The following ARMC3 variants were observed in gnomAD, a reference collection of about 807,000 sequenced individuals.
ARMC3 encodes armadillo repeat containing 3.
A neutral mutation model predicts 90.3 loss-of-function variants in ARMC3; 74 were observed. The ratio of observed to expected loss-of-function variants is 0.82; its 90% confidence interval spans 0.68 to 0.99. ARMC3 has a LOEUF of 0.99. Ranked by LOEUF, ARMC3 falls within the 50% of genes least tolerant of loss-of-function variation. The probability of loss-of-function intolerance (pLI) is 0.00; values close to 1 mark genes in which losing one functional copy is unlikely to be tolerated. For missense variants in ARMC3, 958 were observed against 1,042.8 expected (o/e 0.92, Z 1.12); for synonymous variants, 334 against 361.8 (o/e 0.92, Z 0.87).
At chr10:22,967,242 T>C (rs1386820507) in intron 7 of ARMC3, among the ~76,000 whole-genome samples, 2 of 152,168 alleles carry the variant, frequency 1.3e-5, no homozygotes, top group African/African-American at 4.8e-5. Context: ...ACTCAAAGTC[T>C]GTTTTAAACA....
intron 4 of ARMC3, among the ~76,000 whole-genome samples, chr10:22,957,427 G>A (rs940321846): frequency 6.6e-6 from 1 of 152,188 alleles, no homozygotes; most frequent in Non-Finnish European, 1.5e-5. Flanking sequence ...TCAGTGGAAG[G>A]CAGTGACTTT....
chr10:22,931,552 T>C (rs974905758), intron 1 of ARMC3, among the ~76,000 whole-genome samples: 3 of 152,194 alleles, frequency 2.0e-5, no homozygotes, highest in African/African-American at 7.2e-5. Context: ...ATGCCAATTA[T>C]GTACCAGACA....
At chr10:23,023,925 G>A (rs961589401) in intron 16 of ARMC3, among the ~76,000 whole-genome samples, 1 of 152,130 alleles carries the variant, frequency 6.6e-6, no homozygotes, top group Non-Finnish European at 1.5e-5. Context: ...GGGTAGGGCT[G>A]AAAGAGTATT....
chr10:22,995,511 A>G (rs771528644), intron 10 of ARMC3, among the ~76,000 whole-genome samples: 4 of 152,222 alleles, frequency 2.6e-5, no homozygotes, highest in East Asian at 1.9e-4. Flanking sequence ...AGTAAAAGCT[A>G]TATTCCACTG....
At chr10:22,963,884 G>GTCTC (rs1241526045) in intron 7 of ARMC3, among the ~76,000 whole-genome samples, 18 of 98,760 alleles carry the variant, frequency 1.8e-4, no homozygotes, top group African/African-American at 6.8e-4. Flanking sequence ...GCGAGACTCT[G>GTCTC]TCTCACACAC....
intron 10 of ARMC3, among the ~76,000 whole-genome samples, chr10:22,993,241 A>T (rs7917328): frequency 0.1 from 15,259 of 152,270 alleles, 2,574 homozygotes; most frequent in African/African-American, 0.35. Flanking sequence ...AATGGTGTCA[A>T]CTGGTGCACA....
intron 10 of ARMC3, among the ~76,000 whole-genome samples, chr10:22,995,461 G>T (rs566916591): frequency 6.6e-6 from 1 of 152,150 alleles, no homozygotes; most frequent in Non-Finnish European, 1.5e-5. Context: ...AGCTGTGCCT[G>T]CACGACTCAT....
intron 2 of ARMC3, among the ~76,000 whole-genome samples, chr10:22,937,964 G>A (rs1490387048): frequency 6.6e-6 from 1 of 152,174 alleles, no homozygotes; most frequent in African/African-American, 2.4e-5. Flanking sequence ...GCATAAAGAT[G>A]GGGAGAAAGG....
chr10:23,020,594 C>T (rs950785386), intron 16 of ARMC3, among the ~76,000 whole-genome samples: 8 of 152,206 alleles, frequency 5.3e-5, no homozygotes, highest in African/African-American at 2.4e-5. Flanking sequence ...GCTCCACATC[C>T]TTGCTGGCAC....
intron 16 of ARMC3, among the ~76,000 whole-genome samples, chr10:23,020,095 G>C (rs1031830013): frequency 2.0e-5 from 3 of 151,920 alleles, no homozygotes; most frequent in African/African-American, 7.3e-5. Context: ...AAACATTCAT[G>C]TGTGTGTGTG....
chr10:22,988,948 G>C (rs1317579935), intron 10 of ARMC3, among the ~76,000 whole-genome samples: 1 of 152,192 alleles, frequency 6.6e-6, no homozygotes, highest in Admixed American at 6.5e-5. Flanking sequence ...TGATGTATAG[G>C]TTGCATTTAA....
chr10:22,957,932 C>T (rs1835016362), intron 4 of ARMC3, among the ~76,000 whole-genome samples: 2 of 152,084 alleles, frequency 1.3e-5, no homozygotes, highest in Admixed American at 1.3e-4. Context: ...CATGGTGGCT[C>T]ACGCCTATAA....
intron 8 of ARMC3, among the ~76,000 whole-genome samples, chr10:22,977,164 A>G (rs550218000): frequency 5.9e-5 from 9 of 152,348 alleles, no homozygotes; most frequent in African/African-American, 2.2e-4. Flanking sequence ...TCAAATGGCT[A>G]GATTTAGAGG....
chr10:22,931,000 T>C (rs1833906519), intron 1 of ARMC3, among the ~76,000 whole-genome samples: 2 of 152,084 alleles, frequency 1.3e-5, no homozygotes, highest in South Asian at 4.2e-4. Context: ...CGATCTCGGC[T>C]CACTGCAGCC....
chr10:22,941,710 T>C lies in ARMC3; in HGVS notation c.49-4434T>C, dbSNP rs528678154. 2.3e-4 allele frequency among the ~76,000 whole-genome samples: 35 copies of C among 152,324 alleles called. 3 individuals are homozygous for C. In the East Asian group the frequency reaches 6.6e-3, roughly 29 times the overall value. ...TAGATTTGAATCTGCAAGTTGGAAG[T>C]TGATGGAGTTTCCATCTGGTAACTT... is the stretch of plus-strand genomic sequence containing the variant. On this transcript the variant is annotated intron_variant, in intron 2 of 18. Transcript: ENST00000298032.
intron 15 of ARMC3, 28 bp from the exon 16 acceptor site, chr10:23,008,787 T>C: frequency 6.4e-7 from 1 of 1,554,908 alleles, no homozygotes; most frequent in Non-Finnish European, 8.9e-7. Context: ...TGATTGAAAT[T>C]GGTTGTGGTT....
rs556828085 is a variant in ARMC3 at position 22,984,182 on chromosome 10, G to A, written c.1175+2482G>A. On this transcript the variant is annotated intron_variant, in intron 10 of 18. Transcript: ENST00000298032. ...AATACTAATTTCGTGTAGTTAAAAC[G>A]TAACCCTTCTCCTACACGCATATCT... Among the ~76,000 whole-genome samples the A allele has an allele frequency of 8.2e-4, 125 of 152,106 alleles. 1 individual carries two copies. The highest frequency in any genetic ancestry group is 5.2e-3 in the Admixed American group (80 of 15,276).
At chr10:22,929,458 T>C (rs1178240102) in intron 1 of ARMC3, among the ~76,000 whole-genome samples, 1 of 152,198 alleles carries the variant, frequency 6.6e-6, no homozygotes, top group Admixed American at 6.5e-5. Flanking sequence ...CTTGTAAGGA[T>C]CATCTCCATA....
chr10:23,030,578 C>A lies in ARMC3; in HGVS notation c.2046-18C>A, dbSNP rs1220051749. The stretch of plus-strand genomic sequence containing the variant: ...TAGCAGAAGATGTGATTTTGATTGC[C>A]CTTGTTTACTTTCAAAGGAAAAGCA... On this transcript the variant is annotated intron_variant, in intron 16 of 18. Coordinates refer to ENST00000298032, the MANE Select transcript of ARMC3 (RefSeq NM_173081.5). The A allele has an allele frequency of 6.2e-7, 1 of 1,601,332 alleles. No individual in the cohort carries two copies. The highest frequency in any genetic ancestry group is 8.5e-7 in the Non-Finnish European group (1 of 1,173,242).
Sources: gnomAD v4.1 joint callset for allele counts (sites outside exome capture counted in the v4.1 genomes callset) on GRCh38, gnomAD v4.1.1 for gene constraint, MANE v1.5 for transcripts, NCBI Gene and HGNC (gene_info 2026-07-23, HGNC 2026-07-21) for gene names.